Variants in RRN3 observed in about 807,000 individuals in gnomAD.
RRN3 encodes the protein RNA polymerase I transcription factor RRN3, also known as RNA polymerase I-specific transcription initiation factor RRN3.
RRN3 carries 38 observed loss-of-function variants against 82.3 expected under a neutral mutation model. The ratio of observed to expected loss-of-function variants is 0.46; its 90% CI spans 0.36 to 0.61. The LOEUF is 0.61. Ranked by LOEUF, RRN3 falls within the 20% of genes least tolerant of loss-of-function variation. RRN3 has a pLI of 0.00. For missense variants in RRN3, 726 were observed against 793.1 expected (o/e 0.92, Z 1.02); for synonymous variants, 284 against 284.3 (o/e 1.00, Z 0.01).
intron 8 of RRN3, among the ~76,000 whole-genome samples, chr16:15,081,941 C>G (rs1458534662): frequency 1.3e-5 from 2 of 152,184 alleles, no homozygotes; most frequent in Non-Finnish European, 2.9e-5. Flanking sequence ...TCTTGAACAA[C>G]TGGTTAGTGT....
chr16:15,078,484 A>T (rs549291594), intron 9 of RRN3, among the ~76,000 whole-genome samples: 1 of 152,088 alleles, frequency 6.6e-6, no homozygotes, highest in Non-Finnish European at 1.5e-5. Context: ...GGTCCTCCAG[A>T]AAGCAACAAA....
chr16:15,086,932 G>T (rs1245010013), intron 3 of RRN3, among the ~76,000 whole-genome samples: 1 of 152,144 alleles, frequency 6.6e-6, no homozygotes, highest in Non-Finnish European at 1.5e-5. Flanking sequence ...ACCTGTGGCT[G>T]AGTTTAAATA....
At chr16:15,085,201 T>A (rs2045869893) in intron 6 of RRN3, among the ~76,000 whole-genome samples, 1 of 152,242 alleles carries the variant, frequency 6.6e-6, no homozygotes, top group Non-Finnish European at 1.5e-5. Flanking sequence ...GGACTAATTA[T>A]ATAAATAATG....
At chr16:15,088,490 G>A (rs1262479917) in intron 3 of RRN3, among the ~76,000 whole-genome samples, 1 of 152,106 alleles carries the variant, frequency 6.6e-6, no homozygotes, top group East Asian at 1.9e-4. Flanking sequence ...AGTTCTACTT[G>A]CAACACTCCA....
rs917658992 is a variant in RRN3, at chr16:15,061,274, T to C, written c.*470A>G. The C allele has an allele frequency of 1.3e-5, 2 of 154,362 alleles. No individual in the cohort carries two copies. The highest frequency in any genetic ancestry group is 1.3e-4 in the Admixed American group (2 of 15,358). 9.6% of individuals were successfully genotyped at this position (154,362 alleles called of 1,614,324 possible). A position where few individuals can be genotyped will look rare whatever the true frequency, so the allele number is the denominator to read the frequency against. ...CAGAAGGTGAACAATGTAGCCAAAA[T>C]AAACACTTTCTAGTTAAAGTCTTTA... On this transcript the variant is annotated 3_prime_UTR_variant, in exon 18 of 18. Coordinates refer to ENST00000198767, the MANE Select transcript of RRN3 (RefSeq NM_018427.5).
chr16:15,078,022 A>G (rs1383935265), intron 9 of RRN3, among the ~76,000 whole-genome samples: 1 of 152,206 alleles, frequency 6.6e-6, no homozygotes, highest in Admixed American at 6.5e-5. Context: ...GCATGATGCA[A>G]TATTTATTTT....
At chr16:15,075,838 C>A (rs144291950) in intron 10 of RRN3, among the ~76,000 whole-genome samples, 138 of 152,272 alleles carry the variant, frequency 9.1e-4, no homozygotes, top group African/African-American at 3.0e-3. Context: ...ATCCACCTCC[C>A]CACTGCTGTG....
At chr16:15,083,431 G>T (rs2045785807) in intron 8 of RRN3, 82 bp downstream of exon 8, 22 of 1,567,974 alleles carry the variant, frequency 1.4e-5, no homozygotes, top group East Asian at 2.3e-5. Context: ...GACTGGAAAA[G>T]AAAGAAAAAG....
rs756384562 is a variant in RRN3, at chr16:15,094,146, C to T, written c.88G>A (p.Gly30Arg). The change falls in exon 1 of 18, where the codon GGG becomes AGG. Residue 30 changes from glycine to arginine, a missense_variant and splice_region_variant. Gly to Arg is a moderately radical substitution (Grantham distance 125). Transcript: ENST00000198767. ...AGAAGGAAGCGGCCTGAATCTTACC[C>T]AGTCCTCGACGCGCCCAGCTTCTTA... ...AVKKLGASRT[G>R]ISNMRALEND... 3.8e-6 allele frequency: 6 copies of T among 1,596,040 alleles called. No individual in the cohort carries two copies. In the South Asian group the frequency reaches 6.8e-5, roughly 18 times the overall value.
At chr16:15,081,251 G>A (rs1161955804) in intron 8 of RRN3, among the ~76,000 whole-genome samples, 1 of 152,188 alleles carries the variant, frequency 6.6e-6, no homozygotes, top group East Asian at 1.9e-4. Flanking sequence ...GAACTGCTGA[G>A]TCACGTGTTA....
intron 12 of RRN3, 43 bp from the exon 13 acceptor site, chr16:15,071,294 A>C (rs574732156): frequency 1.3e-6 from 2 of 1,541,704 alleles, no homozygotes; most frequent in South Asian, 2.5e-5. Context: ...TTTAATGCCT[A>C]AGATAATCTG....
intron 5 of RRN3, 86 bp downstream of exon 5, chr16:15,086,043 G>A: frequency 8.4e-7 from 1 of 1,190,386 alleles, no homozygotes; most frequent in Non-Finnish European, 1.2e-6. Flanking sequence ...AATCTTCCAT[G>A]GTAGCAGTCT....
chr16:15,089,786 C>CAAAAA lies in RRN3; in HGVS notation c.252+1524_252+1528dup, dbSNP rs142235345. Among the ~76,000 whole-genome samples, 267 of 66,578 alleles carry CAAAAA rather than the reference C, an allele frequency of 4.0e-3. 14 individuals are homozygous for CAAAAA. The highest frequency in any genetic ancestry group is 0.031 in the Middle Eastern group (2 of 64). The allele number at this position is 66,578 out of a possible 152,430, so 43.7% of individuals were successfully genotyped here. A position where few individuals can be genotyped will look rare whatever the true frequency, so the allele number is the denominator to read the frequency against. On this transcript the variant is annotated intron_variant, in intron 3 of 17. Transcript: ENST00000198767. ...CTGCACTCCAGCCTGGGCGACAGAG[C>CAAAAA]AAAAAAAAAAAAAAAAAAAAAAAAA...
chr16:15,068,856 T>C (rs1438405187), intron 14 of RRN3, among the ~76,000 whole-genome samples: 1 of 152,218 alleles, frequency 6.6e-6, no homozygotes, highest in Non-Finnish European at 1.5e-5. Context: ...AGACATCACA[T>C]TTATTTTAAG....
Position 15,092,579 on chromosome 16 carries a change from A to G in RRN3, c.125T>C (p.Phe42Ser). 1 of 1,613,356 alleles carries G rather than the reference A, an allele frequency of 6.2e-7. No homozygotes were observed. The highest frequency in any genetic ancestry group is 8.5e-7 in the Non-Finnish European group (1 of 1,179,306). The change falls in exon 2 of 18, where the codon TTC becomes TCC. Residue 42 changes from phenylalanine (F) to serine (S), a missense_variant. Phe to Ser is a radical substitution (Grantham distance 155, BLOSUM62 -2). Transcript: ENST00000198767. Reference sequence around the variant, plus strand: ...AACAGTTTTTCTTGGGGGAGAATTGAAAAAGTCATTCTCTAATGCACGCAT... The same window carrying G: ...AACAGTTTTTCTTGGGGGAGAATTGGAAAAGTCATTCTCTAATGCACGCAT... ...SNMRALENDF[F>S]NSPPRKTVRF...
chr16:15,065,445 G>A, intron 15 of RRN3, 74 bp from the exon 16 acceptor site: 3 of 1,305,728 alleles, frequency 2.3e-6, no homozygotes, highest in Non-Finnish European at 2.2e-6. Flanking sequence ...TGAGCTGCGT[G>A]TGACAACTGT....
At position 15,086,521 on chromosome 16, in the gene RRN3, C is replaced by T. The variant is rs1026946150; in HGVS notation, c.253-67G>A. 9 of 1,591,570 alleles carry T rather than the reference C, an allele frequency of 5.7e-6. No individual in the cohort carries two copies. In the African/African-American group the frequency reaches 1.1e-4, roughly 19 times the overall value. On this transcript the variant is annotated intron_variant, in intron 3 of 17. Transcript: ENST00000198767. Reference sequence around the variant, plus strand: ...TAACATAACAGAAATTTACAGCTATCTTATATCAATCATTTATCAAGAATA... The same window carrying T: ...TAACATAACAGAAATTTACAGCTATTTTATATCAATCATTTATCAAGAATA...
At chr16:15,066,892 C>G (rs2045003551) in intron 15 of RRN3, among the ~76,000 whole-genome samples, 1 of 152,016 alleles carries the variant, frequency 6.6e-6, no homozygotes. Context: ...CACTCTGTGC[C>G]TCCAATGCGC....
In RRN3 at chr16:15,061,764, T is replaced by C. The variant is rs748244560; in HGVS notation, c.1936A>G (p.Met646Val). The C allele has an allele frequency of 3.1e-6, 5 of 1,613,468 alleles. No individual in the cohort carries two copies. In the South Asian group the frequency reaches 4.4e-5, roughly 14 times the overall value. ...TGCCGTCAGAGGGGACTGGGTTGCATGTACAACACGGGTGGGGAGCCCACA... is the reference window on the plus strand; with the variant it reads ...TGCCGTCAGAGGGGACTGGGTTGCACGTACAACACGGGTGGGGAGCCCACA... ...SSVGSPPVLY[M>V]QPSPL is the part of the protein sequence containing the mutation. The change falls in exon 18 of 18, where the codon ATG becomes GTG. Residue 646 changes from methionine (M) to valine (V), a missense_variant. Met to Val is a conservative substitution (Grantham distance 21). Around this residue, in one of 4 missense-constraint regions of RRN3, gnomAD observed 166 missense variants for 154.8 expected, o/e 1.07. Coordinates refer to ENST00000198767, the MANE Select transcript of RRN3 (RefSeq NM_018427.5).
Sources: gnomAD v4.1 joint callset for allele counts (sites outside exome capture counted in the v4.1 genomes callset) on GRCh38, gnomAD v4.1.1 for gene constraint, gnomAD v4.1.1 regional missense constraint, MANE v1.5 for transcripts, NCBI Gene and HGNC (gene_info 2026-07-23, HGNC 2026-07-21) for gene names.